The following PLCZ1 variants were observed in gnomAD, a reference collection of about 807,000 sequenced individuals.
The protein encoded by PLCZ1 is 1-phosphatidylinositol 4,5-bisphosphate phosphodiesterase zeta-1.
In PLCZ1, 64 loss-of-function variants were observed where a neutral mutation model predicts 76.8. The observed-to-expected ratio is 0.83, with a 90% confidence interval of 0.68 to 1.03. The LOEUF is 1.03. Ranked by LOEUF, PLCZ1 falls within the 50% of genes least tolerant of loss-of-function variation. The pLI is 0.00. For synonymous variants in PLCZ1, 248 were observed against 230.8 expected (o/e 1.07, Z -0.68); for missense variants, 751 against 713.7 (o/e 1.05, Z -0.60).
the PLCZ1 span, among the ~76,000 whole-genome samples, chr12:18,665,387 A>G: frequency 6.6e-6 from 1 of 152,126 alleles, no homozygotes; most frequent in South Asian, 2.1e-4. Flanking sequence ...TATGTTTTAT[A>G]TTATTTGTAT....
chr12:18,679,494 T>C (rs1433377163), downstream of PLCZ1, among the ~76,000 whole-genome samples: 1 of 151,984 alleles, frequency 6.6e-6, no homozygotes, highest in Non-Finnish European at 1.5e-5. Context: ...ACAACATTCA[T>C]TTTTTCCAGA....
At chr12:18,681,167 C>T (rs576574437), downstream of PLCZ1, among the ~76,000 whole-genome samples, 6 of 152,070 alleles carry the variant, frequency 3.9e-5, no homozygotes, top group South Asian at 1.0e-3. Context: ...GTGAGCTCCA[C>T]GGCAGCTCCT....
At chr12:18,682,002 A>G (rs1952463104), downstream of PLCZ1, among the ~76,000 whole-genome samples, 2 of 152,042 alleles carry the variant, frequency 1.3e-5, no homozygotes, top group East Asian at 1.9e-4. Context: ...GCTGAACAGT[A>G]GATGATTTAA....
At chr12:18,711,550 A>G (rs1957343735) in intron 6 of PLCZ1, among the ~76,000 whole-genome samples, 2 of 149,734 alleles carry the variant, frequency 1.3e-5, no homozygotes, top group Non-Finnish European at 3.0e-5. Flanking sequence ...TAATAATAAT[A>G]ATAATAATAA....
intron 6 of PLCZ1, among the ~76,000 whole-genome samples, chr12:18,708,825 C>T (rs1298230750): frequency 6.6e-6 from 1 of 151,984 alleles, no homozygotes; most frequent in Non-Finnish European, 1.5e-5. Flanking sequence ...GGAGAAATGC[C>T]TATTCAGGTT....
intron 5 of PLCZ1, among the ~76,000 whole-genome samples, chr12:18,716,143 A>G (rs2137479538): frequency 6.6e-6 from 1 of 152,094 alleles, no homozygotes; most frequent in Non-Finnish European, 1.5e-5. Context: ...TGCTTTCCTG[A>G]CTCGTATTTG....
chr12:18,701,797 A>G, intron 7 of PLCZ1, 21 bp from the exon 8 acceptor site: 1 of 1,581,850 alleles, frequency 6.3e-7, no homozygotes, highest in Non-Finnish European at 8.6e-7. Flanking sequence ...AATTTGAGAG[A>G]TACAATTACA....
intron 12 of PLCZ1, chr12:18,692,707 C>T (rs1189693619): frequency 1.3e-6 from 1 of 772,052 alleles, no homozygotes; most frequent in African/African-American, 1.8e-5. Flanking sequence ...CAAATACAGA[C>T]TTTGAATCAT....
chr12:18,673,404 A>G, the PLCZ1 span, among the ~76,000 whole-genome samples: 43 of 152,320 alleles, frequency 2.8e-4, no homozygotes, highest in Middle Eastern at 3.4e-3. Context: ...TATCATAAAC[A>G]GAGCCATTTC....
In PLCZ1 at chr12:18,696,164, A is replaced by G. The variant is rs756514047; in HGVS notation, c.1277T>C (p.Ile426Thr). Reference protein sequence around the residue: ...SNFNPQEFWNIGCQMVALNFQ... With the variant: ...SNFNPQEFWNTGCQMVALNFQ... ...ATATAACATACCCATTTGACAACCT[A>G]TATTCCAAAATTCTTGGGGATTAAA... is the stretch of plus-strand genomic sequence containing the variant. The change falls in exon 11 of 15, where the codon ATA becomes ACA. Residue 426 changes from isoleucine (I) to threonine (T), a missense_variant. Physicochemically the swap from Ile to Thr is moderately conservative, Grantham distance 89 (BLOSUM62 -1). Transcript: ENST00000266505. 2 of 1,546,134 alleles carry G rather than the reference A, an allele frequency of 1.3e-6. No homozygotes were observed. The highest frequency in any genetic ancestry group is 1.1e-5 in the South Asian group (1 of 88,844).
chr12:18,672,454 G>T, the PLCZ1 span, among the ~76,000 whole-genome samples: 1 of 151,714 alleles, frequency 6.6e-6, no homozygotes, highest in African/African-American at 2.4e-5. Context: ...AAAGTCAAAT[G>T]ACTTGAAAAA....
At chr12:18,719,349 G>C in intron 5 of PLCZ1, 82 bp downstream of exon 5, 1 of 732,888 alleles carries the variant, frequency 1.4e-6, no homozygotes. Flanking sequence ...TTTTTATTGT[G>C]CACTCTTGCC....
chr12:18,658,804 T>C, the PLCZ1 span, among the ~76,000 whole-genome samples: 1 of 152,278 alleles, frequency 6.6e-6, no homozygotes, highest in East Asian at 1.9e-4. Flanking sequence ...GCTTAGGTAT[T>C]TACTACAATA....
chr12:18,715,446 G>C (rs1199176971), intron 5 of PLCZ1, among the ~76,000 whole-genome samples: 4 of 151,264 alleles, frequency 2.6e-5, no homozygotes, highest in Non-Finnish European at 5.9e-5. Flanking sequence ...CTGTCGCCCA[G>C]ACTGGGGTGC....
At chr12:18,696,038 C>T (rs940079482) in intron 11 of PLCZ1, 112 bp downstream of exon 11, 23 of 610,128 alleles carry the variant, frequency 3.8e-5, no homozygotes, top group East Asian at 6.9e-5. Flanking sequence ...CCAAAGCCCC[C>T]GGGCTAAAAA....
chr12:18,667,110 GA>G, the PLCZ1 span, among the ~76,000 whole-genome samples: 1 of 152,130 alleles, frequency 6.6e-6, no homozygotes, highest in Non-Finnish European at 1.5e-5. Flanking sequence ...AATGGAGAAT[GA>G]AAATAAAGGC....
intron 5 of PLCZ1, among the ~76,000 whole-genome samples, chr12:18,716,342 C>A (rs1204840758): frequency 6.6e-6 from 1 of 151,988 alleles, no homozygotes; most frequent in African/African-American, 2.4e-5. Flanking sequence ...TTAATTTTAT[C>A]CATGGATCAA....
At chr12:18,680,467 C>T (rs1952308033), downstream of PLCZ1, among the ~76,000 whole-genome samples, 1 of 152,030 alleles carries the variant, frequency 6.6e-6, no homozygotes, top group Non-Finnish European at 1.5e-5. Context: ...TACTCTTTAG[C>T]AACCAGCCTG....
At chr12:18,736,759 G>A in intron 2 of PLCZ1, 1 of 1,060,366 alleles carries the variant, frequency 9.4e-7, no homozygotes, top group Non-Finnish European at 1.3e-6. Context: ...CTTAAGGAAA[G>A]TGGAAGCATT....
Sources: gnomAD v4.1 joint callset for allele counts (sites outside exome capture counted in the v4.1 genomes callset) on GRCh38, gnomAD v4.1.1 for gene constraint, MANE v1.5 for transcripts, NCBI Gene and HGNC (gene_info 2026-07-23, HGNC 2026-07-21) for gene names.